Variants in DSCAM observed in about 807,000 individuals in gnomAD.
DSCAM encodes the protein cell adhesion molecule DSCAM.
In DSCAM, 47 loss-of-function variants were observed where a neutral mutation model predicts 217.7. The ratio of observed to expected loss-of-function variants is 0.22; its 90% CI spans 0.17 to 0.28. DSCAM has a LOEUF of 0.28. Ranked by LOEUF, DSCAM falls within the 10% of genes least tolerant of loss-of-function variation. The pLI, the probability that DSCAM is intolerant of heterozygous loss-of-function variation, is 1.00. For synonymous variants in DSCAM, 1,056 were observed against 1,015.3 expected, an observed-to-expected ratio of 1.04 and a Z score of -0.76; for missense variants, 2,080 against 2,618.3, an observed-to-expected ratio of 0.79 and a Z score of 4.49.
intron 11 of DSCAM, among the ~76,000 whole-genome samples, chr21:40,195,453 T>C (rs975351405): frequency 5.9e-5 from 9 of 152,174 alleles, no homozygotes; most frequent in Non-Finnish European, 1.5e-5. Flanking sequence ...TACTTTCATT[T>C]TATAGAGAAG....
At chr21:40,661,301 T>C (rs1453615566) in intron 3 of DSCAM, among the ~76,000 whole-genome samples, 5 of 152,216 alleles carry the variant, frequency 3.3e-5, no homozygotes, top group Admixed American at 1.3e-4. Flanking sequence ...AACACTCGTA[T>C]TCATAAAAAA....
intron 11 of DSCAM, among the ~76,000 whole-genome samples, chr21:40,226,669 C>G (rs1458759160): frequency 6.6e-6 from 1 of 152,170 alleles, no homozygotes; most frequent in Admixed American, 6.5e-5. Context: ...CTTTCAAGAA[C>G]AGCAATATAG....
At chr21:40,014,842 G>A (rs1404976595) in intron 32 of DSCAM, among the ~76,000 whole-genome samples, 1 of 152,184 alleles carries the variant, frequency 6.6e-6, no homozygotes, top group African/African-American at 2.4e-5. Flanking sequence ...GCTACTGAAA[G>A]GTCACCCTGA....
chr21:40,069,816 C>A (rs990502363), intron 27 of DSCAM, among the ~76,000 whole-genome samples: 2 of 152,124 alleles, frequency 1.3e-5, no homozygotes, highest in African/African-American at 4.8e-5. Context: ...TTTATAAGAT[C>A]CCAAATAGGA....
At chr21:40,476,666 G>T (rs909768756) in intron 3 of DSCAM, among the ~76,000 whole-genome samples, 8 of 152,232 alleles carry the variant, frequency 5.3e-5, no homozygotes, top group South Asian at 2.1e-4. Flanking sequence ...TTGGGGGAAA[G>T]AATTTATTCT....
intron 3 of DSCAM, among the ~76,000 whole-genome samples, chr21:40,609,550 G>A (rs1239828486): frequency 6.6e-6 from 1 of 152,182 alleles, no homozygotes; most frequent in African/African-American, 2.4e-5. Context: ...ATTTATGCTT[G>A]TGGGGAAATG....
chr21:40,218,879 T>C (rs1156653281), intron 11 of DSCAM, among the ~76,000 whole-genome samples: 1 of 152,186 alleles, frequency 6.6e-6, no homozygotes, highest in Admixed American at 6.5e-5. Context: ...AGCTGAAGAA[T>C]CTTTTGGGCT....
Position 40,437,206 on chromosome 21 carries a change from G to A in DSCAM, c.509-67961C>T, listed in dbSNP as rs533341089. Among the ~76,000 whole-genome samples, 554 of 152,238 alleles carry A rather than the reference G, an allele frequency of 3.6e-3. 4 individuals are homozygous for A. The highest frequency in any genetic ancestry group is 6.6e-3 in the Non-Finnish European group (451 of 68,004). On this transcript the variant is annotated intron_variant, in intron 3 of 32. Coordinates refer to ENST00000400454, the MANE Select transcript of DSCAM (RefSeq NM_001389.5). ...CTTTCTTCAGAAGGGGTGTAGACAGGCTCTGTGACATGTTCACTGTTTGGG... is the reference window on the plus strand; with the variant it reads ...CTTTCTTCAGAAGGGGTGTAGACAGACTCTGTGACATGTTCACTGTTTGGG...
At chr21:40,823,166 C>T (rs1197111360) in intron 1 of DSCAM, among the ~76,000 whole-genome samples, 1 of 141,190 alleles carries the variant, frequency 7.1e-6, no homozygotes, top group African/African-American at 2.6e-5. Context: ...ACCGCCCCCC[C>T]AAAAAAGAAA....
At chr21:40,561,654 C>T (rs1286798548) in intron 3 of DSCAM, among the ~76,000 whole-genome samples, 3 of 152,078 alleles carry the variant, frequency 2.0e-5, no homozygotes, top group East Asian at 1.9e-4. Context: ...GAAAATGAGA[C>T]GGTTTTCTTA....
At chr21:40,326,155 G>C (rs1433340189) in intron 8 of DSCAM, among the ~76,000 whole-genome samples, 3 of 152,106 alleles carry the variant, frequency 2.0e-5, no homozygotes, top group African/African-American at 7.2e-5. Context: ...AAAAAGGGGG[G>C]ACAAGTTAAA....
chr21:40,537,425 A>G (rs1246275098), intron 3 of DSCAM, among the ~76,000 whole-genome samples: 1 of 152,178 alleles, frequency 6.6e-6, no homozygotes, highest in African/African-American at 2.4e-5. Context: ...TTTATTTGTG[A>G]CATCTAATGC....
intron 3 of DSCAM, among the ~76,000 whole-genome samples, chr21:40,490,922 C>G (rs919272168): frequency 2.0e-5 from 3 of 152,168 alleles, no homozygotes; most frequent in African/African-American, 7.2e-5. Flanking sequence ...TTAATTAAAA[C>G]AGATTTAAGG....
intron 11 of DSCAM, among the ~76,000 whole-genome samples, chr21:40,193,770 AACAG>A (rs1365666006): frequency 2.6e-5 from 4 of 152,330 alleles, no homozygotes; most frequent in African/African-American, 7.2e-5. Flanking sequence ...AAGACATAAA[AACAG>A]ACAGTTTTCC....
chr21:40,367,454 G>GA (rs1388077649), intron 4 of DSCAM, among the ~76,000 whole-genome samples: 1 of 152,136 alleles, frequency 6.6e-6, no homozygotes, highest in Non-Finnish European at 1.5e-5. Context: ...CCAAACTCCA[G>GA]ATGTACATTT....
intron 3 of DSCAM, among the ~76,000 whole-genome samples, chr21:40,412,986 G>T (rs2075337324): frequency 6.6e-6 from 1 of 152,248 alleles, no homozygotes; most frequent in South Asian, 2.1e-4. Flanking sequence ...TCAGGCTGTG[G>T]CTTCAGAGGG....
chr21:40,731,503 T>A (rs557184786), intron 1 of DSCAM, among the ~76,000 whole-genome samples: 1 of 152,110 alleles, frequency 6.6e-6, no homozygotes, highest in Admixed American at 6.5e-5. Context: ...AGAAATATTT[T>A]TTTTCATGGT....
chr21:40,807,940 T>C (rs1361982714), intron 1 of DSCAM, among the ~76,000 whole-genome samples: 2 of 152,218 alleles, frequency 1.3e-5, no homozygotes, highest in Non-Finnish European at 2.9e-5. Flanking sequence ...TTGTTGTCTA[T>C]AGTAGAAACT....
At chr21:40,033,490 G>A (rs185352098) in intron 32 of DSCAM, among the ~76,000 whole-genome samples, 208 of 152,096 alleles carry the variant, frequency 1.4e-3, no homozygotes, top group African/African-American at 4.5e-3. Context: ...GGCGCACCAC[G>A]AGACTATATC....
Sources: gnomAD v4.1 joint callset for allele counts (sites outside exome capture counted in the v4.1 genomes callset) on GRCh38, gnomAD v4.1.1 for gene constraint, MANE v1.5 for transcripts, NCBI Gene and HGNC (gene_info 2026-07-23, HGNC 2026-07-21) for gene names.